Variants in NGEF observed in about 807,000 individuals in gnomAD.
NGEF encodes neuronal guanine nucleotide exchange factor.
A neutral mutation model predicts 80.9 loss-of-function variants in NGEF; 31 were observed. The observed-to-expected ratio is 0.38, with a 90% CI of 0.29 to 0.52. The LOEUF (loss-of-function observed/expected upper bound fraction) is 0.52. Among genes scored for constraint, NGEF ranks in the 20% least tolerant of loss-of-function variants. The pLI is 0.84. For missense variants in NGEF, 709 were observed against 926.2 expected, an observed-to-expected ratio of 0.77 and a Z score of 3.04; for synonymous variants, 371 against 370.2, an observed-to-expected ratio of 1.00 and a Z score of -0.03.
intron 1 of NGEF, among the ~76,000 whole-genome samples, chr2:233,000,759 CAA>C (rs566401446): frequency 1.2e-4 from 14 of 115,190 alleles, no homozygotes; most frequent in South Asian, 3.5e-4. Context: ...GACTCTGTCT[CAA>C]AAAAAAAAAA....
At position 232,912,272 on chromosome 2, in the gene NGEF, G is replaced by GT. The variant is rs903688670; in HGVS notation, c.828+8011dup. ...CATCAATTGTTGTAGTAACCATGCA[G>GT]TTTTTTTTTCTTGTTTAGACTGTTA... On this transcript the variant is annotated intron_variant, in intron 5 of 14. Transcript: ENST00000264051. Among the ~76,000 whole-genome samples, 87 of 151,530 alleles carry GT rather than the reference G, an allele frequency of 5.7e-4. 1 individual carries two copies. The Middle Eastern group carries it at 0.01, about 18-fold the overall frequency.
chr2:232,919,907 C>T (rs964061060), intron 5 of NGEF, among the ~76,000 whole-genome samples: 4 of 152,176 alleles, frequency 2.6e-5, no homozygotes, highest in Non-Finnish European at 5.9e-5. Context: ...GGCAGACCTC[C>T]GCCAACCACA....
At position 232,925,001 on chromosome 2, in the gene NGEF, C is replaced by T. The variant is rs534809400; in HGVS notation, c.526+2043G>A. ...AAACGAATAAGTTTTCTTTACCTGA[C>T]GAACTATATTAACATATTAAATTTC... On this transcript the variant is annotated intron_variant, in intron 4 of 14. Transcript: ENST00000264051. Among the ~76,000 whole-genome samples, 12 of 152,278 alleles carry T rather than the reference C, an allele frequency of 7.9e-5. No individual in the cohort carries two copies. In the South Asian group the frequency reaches 8.3e-4, roughly 11 times the overall value.
At chr2:232,938,630 A>T (rs561954645) in intron 3 of NGEF, among the ~76,000 whole-genome samples, 7 of 151,272 alleles carry the variant, frequency 4.6e-5, no homozygotes, top group African/African-American at 7.3e-5. Context: ...GTGGTGGCTC[A>T]TGCCTGTAAT....
chr2:232,882,005 T>C (rs1174927502), intron 13 of NGEF, among the ~76,000 whole-genome samples, 181 bp downstream of exon 13: 1 of 152,252 alleles, frequency 6.6e-6, no homozygotes, highest in Admixed American at 6.5e-5. Context: ...AGTGTGGCCA[T>C]GCCAGGTTAT....
At chr2:232,918,641 T>G (rs1211252938) in intron 5 of NGEF, among the ~76,000 whole-genome samples, 123 of 150,600 alleles carry the variant, frequency 8.2e-4, no homozygotes, top group Non-Finnish European at 1.3e-3. Flanking sequence ...TTTTTTTTTT[T>G]TTTTTTTTTT....
intron 5 of NGEF, among the ~76,000 whole-genome samples, chr2:232,900,010 ACT>A (rs1420177423): frequency 7.3e-6 from 1 of 137,376 alleles, no homozygotes; most frequent in Non-Finnish European, 1.5e-5. Context: ...TCTCACAGTC[ACT>A]CATATACACG....
intron 3 of NGEF, among the ~76,000 whole-genome samples, chr2:232,955,765 C>T (rs568058230): frequency 1.3e-5 from 2 of 152,136 alleles, no homozygotes; most frequent in African/African-American, 4.8e-5. Flanking sequence ...GTGATCCACT[C>T]GCCTCGGCCT....
intron 3 of NGEF, among the ~76,000 whole-genome samples, chr2:232,965,285 G>C (rs899853375): frequency 2.0e-5 from 3 of 152,192 alleles, no homozygotes; most frequent in Non-Finnish European, 4.4e-5. Context: ...CAAGGAGACA[G>C]AGAATGATTT....
intron 2 of NGEF, among the ~76,000 whole-genome samples, chr2:232,973,418 G>A (rs1167582259): frequency 6.6e-6 from 1 of 152,182 alleles, no homozygotes; most frequent in Non-Finnish European, 1.5e-5. Flanking sequence ...TTCTACCACC[G>A]TGGAGTGGTG....
chr2:233,002,165 G>A (rs901630685), intron 1 of NGEF, among the ~76,000 whole-genome samples: 2 of 152,026 alleles, frequency 1.3e-5, no homozygotes, highest in South Asian at 2.1e-4. Context: ...GAGTTGAACC[G>A]GTAACTGTGA....
chr2:232,900,299 C>T (rs1692281145), intron 5 of NGEF, among the ~76,000 whole-genome samples: 1 of 125,572 alleles, frequency 8.0e-6, no homozygotes, highest in African/African-American at 3.2e-5. Context: ...CTCAGTCACT[C>T]ATATACACGT....
chr2:232,961,928 A>C lies in NGEF; in HGVS notation c.383+8286T>G, dbSNP rs898983492. ...AACAGAGCAGTCCGCAGAGAGAAACAGGGAGGAGGGGGCCTCATGGCCCCC... is the reference window on the plus strand; with the variant it reads ...AACAGAGCAGTCCGCAGAGAGAAACCGGGAGGAGGGGGCCTCATGGCCCCC... On this transcript the variant is annotated intron_variant, in intron 3 of 14. Transcript: ENST00000264051. Among the ~76,000 whole-genome samples, 10 of 152,220 alleles carry C rather than the reference A, an allele frequency of 6.6e-5. No individual in the cohort carries two copies. The East Asian group carries it at 7.8e-4, about 12-fold the overall frequency.
Position 232,892,293 on chromosome 2 carries a change from G to A in NGEF, c.1142+605C>T, listed in dbSNP as rs1268849389. Among the ~76,000 whole-genome samples, 1 of 152,104 alleles carries A rather than the reference G, an allele frequency of 6.6e-6. No individual in the cohort carries two copies. The highest frequency in any genetic ancestry group is 1.5e-5 in the Non-Finnish European group (1 of 68,010). On this transcript the variant is annotated intron_variant, in intron 7 of 14. Transcript: ENST00000264051. This position sits in a 1 kb window ranked among gnomAD's most constrained non-coding sequence, Gnocchi z 4.0. Reference sequence around the variant, plus strand: ...GCGCAATGTGCAGACGCCACAACTGGAAAACTCCCTGGGTGCTTCTGTGCG... The same window carrying A: ...GCGCAATGTGCAGACGCCACAACTGAAAAACTCCCTGGGTGCTTCTGTGCG...
intron 3 of NGEF, among the ~76,000 whole-genome samples, chr2:232,935,252 G>A (rs1390778333): frequency 6.6e-6 from 1 of 152,152 alleles, no homozygotes; most frequent in African/African-American, 2.4e-5. Context: ...GGAAGGAAGT[G>A]GATGGAAGCT....
At chr2:232,894,312 AC>A (rs1440910794) in intron 6 of NGEF, among the ~76,000 whole-genome samples, 2 of 152,200 alleles carry the variant, frequency 1.3e-5, no homozygotes, top group Admixed American at 6.5e-5. Context: ...CCAGGGCTGC[AC>A]CCTGCACAGG....
rs556275976 is a variant in NGEF, at chr2:232,879,432, C to G, written c.*57G>C. On this transcript the variant is annotated 3_prime_UTR_variant, in exon 15 of 15. Transcript: ENST00000264051. ...TGTGCTTCCCAGAGCCCCCCCCCCC[C>G]CACCTTCTGTCGGGGTCTCATGCAG... The G allele has an allele frequency of 4.4e-4, 617 of 1,394,234 alleles. 4 individuals are homozygous for G. In the African/African-American group the frequency reaches 5.5e-3, roughly 12 times the overall value. 86.4% of individuals were successfully genotyped at this position (1,394,234 alleles called of 1,614,324 possible). A position where few individuals can be genotyped will look rare whatever the true frequency, so the allele number is the denominator to read the frequency against.
intron 5 of NGEF, among the ~76,000 whole-genome samples, chr2:232,911,207 T>C (rs1692685323): frequency 6.6e-6 from 1 of 152,124 alleles, no homozygotes; most frequent in South Asian, 2.1e-4. Flanking sequence ...GTTAATGTTT[T>C]TGCATATATA....
chr2:232,920,769 C>T (rs912845823), intron 4 of NGEF, among the ~76,000 whole-genome samples, 184 bp from the exon 5 acceptor site: 3 of 152,132 alleles, frequency 2.0e-5, no homozygotes, highest in African/African-American at 7.2e-5. Flanking sequence ...CTGCCATCGT[C>T]CTCATTTCTT....
Sources: allele counts gnomAD v4.1 joint callset (sites outside exome capture counted in the v4.1 genomes callset), GRCh38; gene constraint gnomAD v4.1.1; non-coding constraint Gnocchi (gnomAD v3.1); transcripts MANE v1.5; gene names NCBI Gene and HGNC (gene_info 2026-07-23, HGNC 2026-07-21).